Variants in LRRTM4 observed in about 807,000 individuals in gnomAD.
LRRTM4 encodes leucine-rich repeat transmembrane neuronal protein 4.
A neutral mutation model predicts 47.6 loss-of-function variants in LRRTM4; 25 were observed. The observed-to-expected ratio is 0.53, with a 90% confidence interval of 0.38 to 0.73. The LOEUF is 0.73. Ranked by LOEUF, LRRTM4 falls within the 30% of genes least tolerant of loss-of-function variation. The pLI, the probability that LRRTM4 is intolerant of heterozygous loss-of-function variation, is 0.00. For missense variants in LRRTM4, 638 were observed against 713.4 expected (o/e 0.89, Z 1.20); for synonymous variants, 311 against 269.5 (o/e 1.15, Z -1.51).
At chr2:77,044,505 A>G (rs1359201058) in intron 3 of LRRTM4, among the ~76,000 whole-genome samples, 1 of 146,222 alleles carries the variant, frequency 6.8e-6, no homozygotes, top group Non-Finnish European at 1.5e-5. Flanking sequence ...TCTTATAATA[A>G]TGTATTTTTC....
chr2:76,772,725 T>A (rs1018751976), intron 3 of LRRTM4, among the ~76,000 whole-genome samples: 2 of 152,226 alleles, frequency 1.3e-5, no homozygotes, highest in Non-Finnish European at 2.9e-5. Context: ...ACTCTCAGTA[T>A]AGTACAATAA....
At chr2:77,028,896 G>C (rs186106883) in intron 3 of LRRTM4, among the ~76,000 whole-genome samples, 2 of 150,904 alleles carry the variant, frequency 1.3e-5, no homozygotes, top group African/African-American at 4.9e-5. Context: ...TTAGCTGAGC[G>C]TGGTGGTGGG....
intron 3 of LRRTM4, among the ~76,000 whole-genome samples, chr2:77,264,463 T>C (rs1300183936): frequency 6.6e-6 from 1 of 152,124 alleles, no homozygotes; most frequent in African/African-American, 2.4e-5. Flanking sequence ...TTAGAGATCC[T>C]ATGTCTAACT....
At chr2:77,012,919 GT>G (rs1234512548) in intron 3 of LRRTM4, among the ~76,000 whole-genome samples, 1 of 152,168 alleles carries the variant, frequency 6.6e-6, no homozygotes, top group Non-Finnish European at 1.5e-5. Flanking sequence ...GGCAAACGAT[GT>G]ATTAAGTGAC....
intron 3 of LRRTM4, among the ~76,000 whole-genome samples, chr2:77,422,046 T>C (rs1040224529): frequency 1.3e-5 from 2 of 152,208 alleles, no homozygotes; most frequent in Non-Finnish European, 2.9e-5. Flanking sequence ...TCGTATAGCC[T>C]ATTATACCGT....
chr2:77,357,008 T>C (rs1000689768), intron 3 of LRRTM4, among the ~76,000 whole-genome samples: 1 of 152,176 alleles, frequency 6.6e-6, no homozygotes, highest in African/African-American at 2.4e-5. Context: ...TAGTTTACAA[T>C]GGCATCCTAA....
intron 3 of LRRTM4, among the ~76,000 whole-genome samples, chr2:77,441,162 T>C (rs1675822955): frequency 6.6e-6 from 1 of 152,198 alleles, no homozygotes; most frequent in Non-Finnish European, 1.5e-5. Flanking sequence ...GTATAATTTC[T>C]TCAAACTAAA....
At chr2:77,380,579 T>C (rs202022862) in intron 3 of LRRTM4, among the ~76,000 whole-genome samples, 4 of 151,970 alleles carry the variant, frequency 2.6e-5, no homozygotes, top group Non-Finnish European at 5.9e-5. Context: ...GGTGGATCAC[T>C]TGAGGTCAGG....
intron 3 of LRRTM4, among the ~76,000 whole-genome samples, chr2:77,359,489 A>G (rs1206045991): frequency 6.6e-6 from 1 of 152,124 alleles, no homozygotes; most frequent in Non-Finnish European, 1.5e-5. Flanking sequence ...TCCCTCCTCC[A>G]TCTCCTGATC....
intron 3 of LRRTM4, among the ~76,000 whole-genome samples, chr2:76,835,685 C>T (rs567113630): frequency 6.6e-6 from 1 of 152,136 alleles, no homozygotes; most frequent in African/African-American, 2.4e-5. Flanking sequence ...GGTAACTTGA[C>T]TATTTGCACA....
At chr2:76,865,247 A>G (rs910680455) in intron 3 of LRRTM4, among the ~76,000 whole-genome samples, 2 of 152,122 alleles carry the variant, frequency 1.3e-5, no homozygotes, top group Admixed American at 1.3e-4. Context: ...CTCACTTCAC[A>G]TATAATATGA....
rs762680959 is a variant in LRRTM4, at chr2:77,519,348, A to G, written c.521T>C (p.Ile174Thr). 1 of 1,613,452 alleles carries G rather than the reference A, an allele frequency of 6.2e-7. No individual in the cohort carries two copies. The highest frequency in any genetic ancestry group is 8.5e-7 in the Non-Finnish European group (1 of 1,179,602). Residue 174 changes from isoleucine to threonine, a missense_variant, in exon 3 of 4, where the codon ATA becomes ACA. Transcript: ENST00000409884. The surrounding 1 kb of genome is among the most constrained non-coding windows in gnomAD (Gnocchi z 4.6). Reference sequence around the variant, plus strand: ...ATTCCGACAGTCTTGAAAAACTCTTATGGGCACAGTCTTTAGTGAGTTAGA... The same window carrying G: ...ATTCCGACAGTCTTGAAAAACTCTTGTGGGCACAGTCTTTAGTGAGTTAGA... Reference protein sequence around the residue: ...LRSNSLKTVPIRVFQDCRNLD... With the variant: ...LRSNSLKTVPTRVFQDCRNLD...
intron 3 of LRRTM4, among the ~76,000 whole-genome samples, chr2:76,944,349 T>C (rs72823105): frequency 3.9e-5 from 6 of 152,152 alleles, no homozygotes; most frequent in Non-Finnish European, 4.4e-5. Flanking sequence ...CATGGTACTG[T>C]ACTTCCCTTA....
chr2:76,814,224 A>C (rs1388577641), intron 3 of LRRTM4, among the ~76,000 whole-genome samples: 4 of 152,144 alleles, frequency 2.6e-5, no homozygotes, highest in African/African-American at 7.2e-5. Flanking sequence ...AAAAATAGAA[A>C]AAAGCTTATA....
chr2:76,996,170 G>A (rs1677196875), intron 3 of LRRTM4, among the ~76,000 whole-genome samples: 2 of 151,926 alleles, frequency 1.3e-5, no homozygotes, highest in Non-Finnish European at 2.9e-5. Flanking sequence ...TCATAAACAA[G>A]CAATAGATGT....
At chr2:77,351,978 A>C (rs1671799249) in intron 3 of LRRTM4, among the ~76,000 whole-genome samples, 1 of 152,110 alleles carries the variant, frequency 6.6e-6, no homozygotes, top group African/African-American at 2.4e-5. Context: ...TTATTAATGA[A>C]GTCACCTTCA....
At chr2:76,874,663 T>C (rs1205123563) in intron 3 of LRRTM4, among the ~76,000 whole-genome samples, 4 of 151,992 alleles carry the variant, frequency 2.6e-5, no homozygotes, top group African/African-American at 9.7e-5. Context: ...TTTGCTATTT[T>C]AGATAGTGAT....
chr2:77,052,294 G>A (rs990265831), intron 3 of LRRTM4, among the ~76,000 whole-genome samples: 6 of 151,296 alleles, frequency 4.0e-5, no homozygotes, highest in African/African-American at 1.2e-4. Flanking sequence ...TCAACCTCCC[G>A]GGTAGCTGGG....
intron 3 of LRRTM4, among the ~76,000 whole-genome samples, chr2:77,367,001 A>G (rs17750913): frequency 0.1 from 15,571 of 151,664 alleles, 1,098 homozygotes; most frequent in Admixed American, 0.14. Flanking sequence ...TTACCTTTCC[A>G]TTCTCTTCTT....
Sources: allele counts gnomAD v4.1 joint callset (sites outside exome capture counted in the v4.1 genomes callset), GRCh38; gene constraint gnomAD v4.1.1; non-coding constraint Gnocchi (gnomAD v3.1); transcripts MANE v1.5; gene names NCBI Gene and HGNC (gene_info 2026-07-23, HGNC 2026-07-21).